CDCA7L: variants seen among roughly 807,000 people sequenced by gnomAD.
The protein encoded by CDCA7L is cell division cycle associated 7 like.
CDCA7L carries 44 observed loss-of-function variants against 57.4 expected under a neutral mutation model. That is an observed-to-expected ratio of 0.77 (90% CI 0.60 to 0.98). CDCA7L has a LOEUF of 0.98. Ranked by LOEUF, CDCA7L falls within the 50% of genes least tolerant of loss-of-function variation. The pLI is 0.00. For synonymous variants in CDCA7L, 236 were observed against 202.8 expected (o/e 1.16, Z -1.39); for missense variants, 644 against 580.6 (o/e 1.11, Z -1.12).
chr7:21,902,537 C>G, intron 9 of CDCA7L, 185 bp from the exon 10 acceptor site: 1 of 601,478 alleles, frequency 1.7e-6, no homozygotes, highest in South Asian at 2.1e-5. Flanking sequence ...CCAAGCATGA[C>G]TTGCCTCACT....
intron 1 of CDCA7L, among the ~76,000 whole-genome samples, chr7:21,940,589 C>G (rs779007648): frequency 1.1e-4 from 17 of 152,170 alleles, no homozygotes; most frequent in Non-Finnish European, 2.5e-4. Context: ...TCCAGAAGTT[C>G]CCAGGGCGAG....
chr7:21,905,932 C>G (rs1378840503), intron 6 of CDCA7L, among the ~76,000 whole-genome samples: 1 of 152,228 alleles, frequency 6.6e-6, no homozygotes, highest in East Asian at 1.9e-4. Flanking sequence ...GTTGCTCCCT[C>G]CAAACTGAAA....
intron 1 of CDCA7L, among the ~76,000 whole-genome samples, chr7:21,931,200 A>G (rs570823953): frequency 5.8e-4 from 89 of 152,356 alleles, no homozygotes; most frequent in African/African-American, 2.1e-3. Flanking sequence ...CCAGAGGTAC[A>G]AAGAGGAGCT....
At chr7:21,904,466 AC>A (rs1487491720) in intron 7 of CDCA7L, among the ~76,000 whole-genome samples, 2 of 151,998 alleles carry the variant, frequency 1.3e-5, no homozygotes, top group Non-Finnish European at 2.9e-5. Flanking sequence ...CCTGTTTGGA[AC>A]CGGGCTGCAC....
rs752871813 is a variant in CDCA7L, at chr7:21,945,825, T to C, written c.-21A>G. 4 of 1,596,318 alleles carry C rather than the reference T, an allele frequency of 2.5e-6. No individual in the cohort carries two copies. In the South Asian group the frequency reaches 4.5e-5, roughly 18 times the overall value. ...TCCATTCTTCCTAACCGGGCTCCAG[T>C]CTCCTCCCAGCACGCGGCCACGGGA... On this transcript the variant is annotated 5_prime_UTR_variant, in exon 1 of 10. Transcript: ENST00000406877.
At chr7:21,944,872 G>T (rs1436379525) in intron 1 of CDCA7L, 2 of 149,400 alleles carry the variant, frequency 1.3e-5, no homozygotes, top group African/African-American at 5.0e-5. Flanking sequence ...AATAAAACAA[G>T]TGGAAAAAAA....
At chr7:21,945,201 T>G (rs1190588993) in intron 1 of CDCA7L, among the ~76,000 whole-genome samples, 1 of 152,170 alleles carries the variant, frequency 6.6e-6, no homozygotes, top group Non-Finnish European at 1.5e-5. Flanking sequence ...GCATATGATT[T>G]GGGATCTTGC....
intron 1 of CDCA7L, among the ~76,000 whole-genome samples, chr7:21,937,531 G>T (rs186274529): frequency 6.6e-6 from 1 of 151,898 alleles, no homozygotes; most frequent in Non-Finnish European, 1.5e-5. Flanking sequence ...CCGGCTACTC[G>T]GGAGGCTGAG....
intron 1 of CDCA7L, among the ~76,000 whole-genome samples, chr7:21,923,265 G>T (rs1785716140): frequency 6.6e-6 from 1 of 152,178 alleles, no homozygotes; most frequent in Admixed American, 6.5e-5. Context: ...GAGGCAGGAA[G>T]ATCACTTGAC....
At chr7:21,909,926 C>G (rs2128059101) in intron 3 of CDCA7L, among the ~76,000 whole-genome samples, 1 of 152,260 alleles carries the variant, frequency 6.6e-6, no homozygotes, top group South Asian at 2.1e-4. Flanking sequence ...AGCAATGTCC[C>G]ATTATCAAGA....
intron 4 of CDCA7L, among the ~76,000 whole-genome samples, chr7:21,906,879 A>G (rs1438234530): frequency 6.6e-6 from 1 of 152,184 alleles, no homozygotes; most frequent in East Asian, 1.9e-4. Flanking sequence ...TAAGGACAAC[A>G]CAACACTATG....
At chr7:21,912,333 A>G (rs556086847) in intron 2 of CDCA7L, among the ~76,000 whole-genome samples, 2 of 152,330 alleles carry the variant, frequency 1.3e-5, no homozygotes, top group South Asian at 2.1e-4. Context: ...TTACATATAT[A>G]CACATTTTCT....
chr7:21,902,778 T>TCAACTC (rs1263671311), intron 9 of CDCA7L, 200 bp downstream of exon 9: 1 of 557,550 alleles, frequency 1.8e-6, no homozygotes, highest in East Asian at 3.1e-5. Context: ...TTGAAAAATC[T>TCAACTC]AGCAAAGGAG....
intron 1 of CDCA7L, among the ~76,000 whole-genome samples, chr7:21,942,128 A>AC (rs1442872553): frequency 6.6e-6 from 1 of 152,144 alleles, no homozygotes; most frequent in Non-Finnish European, 1.5e-5. Context: ...CAGTGTACTA[A>AC]CCCAGTCAGC....
rs1784869432 is a variant in CDCA7L, at chr7:21,901,664, C to T, written c.*658G>A. 1 of 156,832 alleles carries T rather than the reference C, an allele frequency of 6.4e-6. No homozygotes were observed. Among genetic ancestry groups the T allele is most frequent in the Admixed American group, 6.4e-5 (1 of 15,732 alleles). 9.7% of individuals were successfully genotyped at this position (156,832 alleles called of 1,614,324 possible). A position where few individuals can be genotyped will look rare whatever the true frequency, so the allele number is the denominator to read the frequency against. The stretch of plus-strand genomic sequence containing the variant: ...GGAGATTTTAATTTTTAACAAACAA[C>T]AAATTAAATTATTAGCCCTTAAACT... On this transcript the variant is annotated 3_prime_UTR_variant, in exon 10 of 10. Coordinates refer to ENST00000406877, the MANE Select transcript of CDCA7L (RefSeq NM_018719.5).
At chr7:21,913,567 G>A (rs538528598) in intron 2 of CDCA7L, among the ~76,000 whole-genome samples, 1 of 152,202 alleles carries the variant, frequency 6.6e-6, no homozygotes, top group African/African-American at 2.4e-5. Context: ...TGCACCTGAG[G>A]CCTCTCAGTG....
chr7:21,925,080 A>G (rs1166265914), intron 1 of CDCA7L, among the ~76,000 whole-genome samples: 1 of 152,202 alleles, frequency 6.6e-6, no homozygotes, highest in Non-Finnish European at 1.5e-5. Context: ...AAAAGAAGAA[A>G]ATTCAGAAAC....
chr7:21,913,593 TCA>T (rs1785397003), intron 2 of CDCA7L, among the ~76,000 whole-genome samples: 1 of 152,194 alleles, frequency 6.6e-6, no homozygotes. Flanking sequence ...AACATCTGGC[TCA>T]CAGAGCCTTG....
rs193247689 is a variant in CDCA7L, at chr7:21,932,247, A to G, written c.24+13534T>C. ...CTGCCCAAAGTAATTTATAGATTCAATGCTATCCCCATCAAGATACCAATG... is the reference window on the plus strand; with the variant it reads ...CTGCCCAAAGTAATTTATAGATTCAGTGCTATCCCCATCAAGATACCAATG... On this transcript the variant is annotated intron_variant, in intron 1 of 9. Coordinates refer to ENST00000406877, the MANE Select transcript of CDCA7L (RefSeq NM_018719.5). 3.9e-3 allele frequency among the ~76,000 whole-genome samples: 601 copies of G among 152,348 alleles called. 6 individuals are homozygous for G. Among genetic ancestry groups the G allele is most frequent in the African/African-American group, 0.013 (561 of 41,582 alleles).
Sources: allele counts gnomAD v4.1 joint callset (sites outside exome capture counted in the v4.1 genomes callset), GRCh38; gene constraint gnomAD v4.1.1; transcripts MANE v1.5; gene names NCBI Gene and HGNC (gene_info 2026-07-23, HGNC 2026-07-21).